The following ADAMTS6 variants were observed in gnomAD, a reference collection of about 807,000 sequenced individuals.
The protein encoded by ADAMTS6 is A disintegrin and metalloproteinase with thrombospondin motifs 6.
In ADAMTS6, 23 loss-of-function variants were observed where a neutral mutation model predicts 144.3. That is an observed-to-expected ratio of 0.16 (90% confidence interval 0.11 to 0.23). The LOEUF (loss-of-function observed/expected upper bound fraction) is 0.23. Ranked by LOEUF, ADAMTS6 falls within the 10% of genes least tolerant of loss-of-function variation. The probability of loss-of-function intolerance (pLI) is 1.00; values close to 1 mark genes in which losing one functional copy is unlikely to be tolerated. For synonymous variants in ADAMTS6, 444 were observed against 457.5 expected, an observed-to-expected ratio of 0.97 and a Z score of 0.38; for missense variants, 999 against 1,379.6, an observed-to-expected ratio of 0.72 and a Z score of 4.37.
chr5:65,156,670 GAGCTTTAC>G (rs1045999832), intron 24 of ADAMTS6, among the ~76,000 whole-genome samples: 4 of 152,220 alleles, frequency 2.6e-5, no homozygotes, highest in Non-Finnish European at 5.9e-5. Flanking sequence ...TTGAAGGTTT[GAGCTTTAC>G]TGTCATACTT....
intron 3 of ADAMTS6, among the ~76,000 whole-genome samples, chr5:65,470,089 C>T (rs1760317708): frequency 6.6e-6 from 1 of 152,026 alleles, no homozygotes; most frequent in South Asian, 2.1e-4. Flanking sequence ...TCCATTCTTT[C>T]TTAAAAATAT....
intron 7 of ADAMTS6, among the ~76,000 whole-genome samples, chr5:65,396,969 G>T (rs1173683752): frequency 6.6e-6 from 1 of 152,176 alleles, no homozygotes; most frequent in Admixed American, 6.5e-5. Context: ...TGGGCCTAGT[G>T]CTTTCTGTTT....
intron 9 of ADAMTS6, among the ~76,000 whole-genome samples, chr5:65,327,577 A>T (rs1345636571): frequency 1.3e-5 from 2 of 152,164 alleles, no homozygotes; most frequent in Non-Finnish European, 2.9e-5. Flanking sequence ...CAAGATACAT[A>T]AAACTTCAGA....
At chr5:65,200,008 T>C (rs1301449344) in intron 20 of ADAMTS6, among the ~76,000 whole-genome samples, 3 of 152,198 alleles carry the variant, frequency 2.0e-5, no homozygotes, top group African/African-American at 7.2e-5. Flanking sequence ...TTTATGAAGA[T>C]GCATGTTTTC....
At chr5:65,362,654 G>C (rs1749934659) in intron 7 of ADAMTS6, among the ~76,000 whole-genome samples, 4 of 152,148 alleles carry the variant, frequency 2.6e-5, no homozygotes, top group Admixed American at 2.6e-4. Context: ...TCAGATGTAA[G>C]TACCATAATG....
Position 65,428,544 on chromosome 5 carries a change from A to AG in ADAMTS6, c.1073+22930dup, listed in dbSNP as rs1249356819. Among the ~76,000 whole-genome samples the AG allele has an allele frequency of 2.6e-5, 4 of 152,342 alleles. 1 individual carries two copies. The South Asian group carries it at 8.3e-4, about 32-fold the overall frequency. Reference sequence around the variant, plus strand: ...ATTTAAAAGACTTCAAGGAAAAACCAGGGGGACCTTCAAGAAGTACTTAAC... The same window carrying AG: ...ATTTAAAAGACTTCAAGGAAAAACCAGGGGGGACCTTCAAGAAGTACTTAAC... On this transcript the variant is annotated intron_variant, in intron 7 of 24. Coordinates refer to ENST00000381055, the MANE Select transcript of ADAMTS6 (RefSeq NM_197941.4).
At chr5:65,468,323 CT>C (rs1213360965) in intron 3 of ADAMTS6, among the ~76,000 whole-genome samples, 2 of 151,416 alleles carry the variant, frequency 1.3e-5, no homozygotes, top group Non-Finnish European at 2.9e-5. Context: ...TTAAAAAACA[CT>C]TGTTTACATA....
At chr5:65,441,098 T>C (rs750629026) in intron 7 of ADAMTS6, among the ~76,000 whole-genome samples, 1 of 152,180 alleles carries the variant, frequency 6.6e-6, no homozygotes, top group Non-Finnish European at 1.5e-5. Context: ...ACAAAATGTT[T>C]AAAATAGTTT....
At chr5:65,271,909 GA>G (rs749029871) in intron 12 of ADAMTS6, among the ~76,000 whole-genome samples, 17 of 151,984 alleles carry the variant, frequency 1.1e-4, no homozygotes, top group Non-Finnish European at 1.9e-4. Flanking sequence ...GGTAGTGCAT[GA>G]ATTTCTTTGT....
intron 8 of ADAMTS6, among the ~76,000 whole-genome samples, chr5:65,330,576 C>T (rs1746615503): frequency 6.6e-6 from 1 of 151,922 alleles, no homozygotes; most frequent in Admixed American, 6.6e-5. Flanking sequence ...GTATAATTTC[C>T]CAGCTGTACT....
chr5:65,463,982 T>C lies in ADAMTS6; in HGVS notation c.463-3644A>G, dbSNP rs544735521. On this transcript the variant is annotated intron_variant, in intron 3 of 24. Coordinates refer to ENST00000381055, the MANE Select transcript of ADAMTS6 (RefSeq NM_197941.4). ...CTTCCTCAACAAACAAACACCAGCA[T>C]TGAACCTCATGCCATGATCTTCTCC... is the stretch of plus-strand genomic sequence containing the variant. 7.5e-4 allele frequency among the ~76,000 whole-genome samples: 115 copies of C among 152,338 alleles called. 1 individual carries two copies. The highest frequency in any genetic ancestry group is 1.2e-3 in the Non-Finnish European group (85 of 68,038).
At chr5:65,218,245 T>C (rs1276909880) in intron 18 of ADAMTS6, among the ~76,000 whole-genome samples, 4 of 152,120 alleles carry the variant, frequency 2.6e-5, no homozygotes, top group Non-Finnish European at 4.4e-5. Context: ...CCAAGAAGAA[T>C]CATGCTTTTG....
chr5:65,176,245 G>A (rs1431865474), intron 22 of ADAMTS6, among the ~76,000 whole-genome samples: 2 of 151,982 alleles, frequency 1.3e-5, no homozygotes, highest in African/African-American at 4.8e-5. Context: ...GAGGCATGTC[G>A]AAAAATTGTC....
chr5:65,407,940 C>G (rs1251772575), intron 7 of ADAMTS6, among the ~76,000 whole-genome samples: 1 of 152,034 alleles, frequency 6.6e-6, no homozygotes, highest in African/African-American at 2.4e-5. Context: ...TACAGACAAG[C>G]AAATGCTGAG....
rs1751994762 is a variant in ADAMTS6 at position 65,149,031 on chromosome 5, T to C, written c.*2805A>G. 1 of 152,696 alleles carries C rather than the reference T, an allele frequency of 6.5e-6. No homozygotes were observed. The highest frequency in any genetic ancestry group is 2.4e-5 in the African/African-American group (1 of 41,470). The allele number at this position is 152,696 out of a possible 1,614,324, so 9.5% of individuals were successfully genotyped here. On this transcript the variant is annotated 3_prime_UTR_variant, in exon 25 of 25. Transcript: ENST00000381055. ...TTCTGTGTTACTGAGGATACCTATGTGACATTCATTCAAACAAAAAAGTTC... is the reference window on the plus strand; with the variant it reads ...TTCTGTGTTACTGAGGATACCTATGCGACATTCATTCAAACAAAAAAGTTC...
At chr5:65,271,594 T>C (rs1172852734) in intron 12 of ADAMTS6, among the ~76,000 whole-genome samples, 1 of 152,184 alleles carries the variant, frequency 6.6e-6, no homozygotes, top group Non-Finnish European at 1.5e-5. Flanking sequence ...AAATGATCAG[T>C]ATTAAATACG....
intron 7 of ADAMTS6, among the ~76,000 whole-genome samples, chr5:65,429,571 C>G (rs573877145): frequency 6.6e-6 from 1 of 151,824 alleles, no homozygotes; most frequent in African/African-American, 2.4e-5. Flanking sequence ...GTTAATTGGT[C>G]TTTTGTTATT....
chr5:65,244,282 A>T (rs1472060758), intron 14 of ADAMTS6, among the ~76,000 whole-genome samples: 1 of 152,134 alleles, frequency 6.6e-6, no homozygotes, highest in East Asian at 1.9e-4. Flanking sequence ...ACTATATAGA[A>T]GCATAAGAGG....
At chr5:65,211,901 C>T (rs1756555088) in intron 20 of ADAMTS6, among the ~76,000 whole-genome samples, 2 of 152,168 alleles carry the variant, frequency 1.3e-5, no homozygotes, top group African/African-American at 2.4e-5. Context: ...TATTGGGCCC[C>T]TACTATGTTT....
Sources: gnomAD v4.1 joint callset for allele counts (sites outside exome capture counted in the v4.1 genomes callset) on GRCh38, gnomAD v4.1.1 for gene constraint, MANE v1.5 for transcripts, NCBI Gene and HGNC (gene_info 2026-07-23, HGNC 2026-07-21) for gene names.